The following IGSF10 variants were observed in gnomAD, a reference collection of about 807,000 sequenced individuals.
IGSF10 encodes calvaria mechanical force protein 608.
IGSF10 carries 126 observed loss-of-function variants against 128.2 expected under a neutral mutation model. The ratio of observed to expected loss-of-function variants is 0.98; its 90% confidence interval spans 0.85 to 1.14. The LOEUF is 1.14. IGSF10 is among the 50% of genes most tolerant of loss of function. IGSF10 has a pLI of 0.00. For synonymous variants in IGSF10, 1,185 were observed against 1,146.2 expected (o/e 1.03, Z -0.68); for missense variants, 3,295 against 3,149.8 (o/e 1.05, Z -1.10).
chr3:151,490,051 TAA>T, the IGSF10 span, among the ~76,000 whole-genome samples: 1 of 152,164 alleles, frequency 6.6e-6, no homozygotes, highest in Non-Finnish European at 1.5e-5. Flanking sequence ...TACTTATCAA[TAA>T]TAACCTTTAA....
At chr3:151,511,433 T>C in the IGSF10 span, among the ~76,000 whole-genome samples, 2 of 152,214 alleles carry the variant, frequency 1.3e-5, no homozygotes, top group South Asian at 2.1e-4. Context: ...TTTGTCACTA[T>C]CAGGCCTGCC....
At chr3:151,587,998 G>A in the IGSF10 span, among the ~76,000 whole-genome samples, 22 of 152,122 alleles carry the variant, frequency 1.4e-4, no homozygotes, top group Non-Finnish European at 2.4e-4. Context: ...TATCAGCAGC[G>A]TGAAAATGGA....
chr3:151,463,714 A>C (rs1024671572), upstream of IGSF10, among the ~76,000 whole-genome samples: 2 of 151,620 alleles, frequency 1.3e-5, no homozygotes, highest in Non-Finnish European at 2.9e-5. Context: ...GGCTGGGCGC[A>C]GTGGCTCACA....
At chr3:151,617,260 C>CTCT in the IGSF10 span, among the ~76,000 whole-genome samples, 3,085 of 55,696 alleles carry the variant, frequency 0.055, 101 homozygotes, top group Admixed American at 0.077. Flanking sequence ...TCTTCTCCTT[C>CTCT]TCTTCTTCTT....
Position 151,438,105 on chromosome 3 carries a change from T to C in IGSF10, c.6456A>G (p.Arg2152=). Residue 2152 remains arginine, a synonymous_variant, in exon 8 of 8, where the codon AGA becomes AGG. Coordinates refer to ENST00000282466, the MANE Select transcript of IGSF10 (RefSeq NM_178822.5). Reference sequence around the variant, plus strand: ...GGACAGCTGTGTCTCCAGCTTTGATTCTCTTGTTGGTTTTGTTACTCTGCC... The same window carrying C: ...GGACAGCTGTGTCTCCAGCTTTGATCCTCTTGTTGGTTTTGTTACTCTGCC... ...RIRQSNKTNK[R]IKAGDTAVLD... 2 of 1,614,148 alleles carry C rather than the reference T, an allele frequency of 1.2e-6. No homozygotes were observed. Among genetic ancestry groups the C allele is most frequent in the African/African-American group, 2.7e-5 (2 of 75,024 alleles).
At chr3:151,454,210 G>C (rs1312186751) in intron 4 of IGSF10, among the ~76,000 whole-genome samples, 4 of 151,734 alleles carry the variant, frequency 2.6e-5, no homozygotes, top group African/African-American at 4.8e-5. Flanking sequence ...TAGAGATGGG[G>C]TTTCACCATG....
chr3:151,449,327 T>C, intron 5 of IGSF10, 62 bp from the exon 6 acceptor site: 2 of 1,413,180 alleles, frequency 1.4e-6, no homozygotes, highest in Non-Finnish European at 1.9e-6. Context: ...CACAAACATT[T>C]TGAAGAAATA....
the IGSF10 span, among the ~76,000 whole-genome samples, chr3:151,518,453 C>A: frequency 6.6e-6 from 1 of 151,926 alleles, no homozygotes; most frequent in Non-Finnish European, 1.5e-5. Flanking sequence ...TAAAGTTTTT[C>A]TTTTAACAGT....
the IGSF10 span, among the ~76,000 whole-genome samples, chr3:151,547,435 C>T: frequency 0.16 from 24,498 of 149,388 alleles, 2,099 homozygotes; most frequent in Middle Eastern, 0.19. Context: ...TATATACACA[C>T]ACACACACAC....
chr3:151,602,322 T>A, the IGSF10 span, among the ~76,000 whole-genome samples: 2 of 152,202 alleles, frequency 1.3e-5, no homozygotes. Flanking sequence ...ACTTTCATGC[T>A]CACGCAAAAT....
At chr3:151,519,370 T>C in the IGSF10 span, among the ~76,000 whole-genome samples, 1 of 151,840 alleles carries the variant, frequency 6.6e-6, no homozygotes, top group East Asian at 1.9e-4. Flanking sequence ...TTAACTGCAA[T>C]TTAAGACCAC....
rs966026656 is a variant in IGSF10, at chr3:151,453,438, A to G, written c.661T>C (p.Trp221Arg). The change falls in exon 5 of 8, where the codon TGG (tryptophan) becomes CGG (arginine). Residue 221 changes from tryptophan to arginine, a missense_variant. Trp to Arg is a moderately radical substitution (Grantham distance 101). Transcript: ENST00000282466. ...LDSLYLHGNP[W>R]TCDCHLKWLS... ...CACTTTAAATGGCAATCACAGGTCCATGGGTTTCCATGCAGGTAAAGGCTG... is the reference window on the plus strand; with the variant it reads ...CACTTTAAATGGCAATCACAGGTCCGTGGGTTTCCATGCAGGTAAAGGCTG... 8 of 1,613,328 alleles carry G rather than the reference A, an allele frequency of 5.0e-6. No individual in the cohort carries two copies. The East Asian group carries it at 1.3e-4, about 27-fold the overall frequency.
rs1721831791 is a variant in IGSF10, at chr3:151,457,093, A to G, written c.257T>C (p.Leu86Pro). 1 of 1,614,126 alleles carries G rather than the reference A, an allele frequency of 6.2e-7. No homozygotes were observed. The change falls in exon 4 of 8, where the codon CTC becomes CCC. Residue 86 changes from leucine (L) to proline (P), a missense_variant. Transcript: ENST00000282466. ...GTGAATGCCATTGCTGTGAAGCATG[A>G]GTAACTCCAGTTTGGTCAGGCCAGA... ...DFSGLTKLEL[L>P]MLHSNGIHTI...
chr3:151,600,022 A>G, the IGSF10 span, among the ~76,000 whole-genome samples: 1 of 152,192 alleles, frequency 6.6e-6, no homozygotes, highest in East Asian at 1.9e-4. Flanking sequence ...TGCTATGTGG[A>G]CAAAGTAGTA....
downstream of IGSF10, chr3:151,433,666 A>AG (rs1315611180): frequency 6.6e-6 from 1 of 152,558 alleles, no homozygotes; most frequent in Non-Finnish European, 1.5e-5. Context: ...TGCCACCTTA[A>AG]GGGGAAAAAA....
At chr3:151,576,405 G>A in the IGSF10 span, among the ~76,000 whole-genome samples, 1 of 151,726 alleles carries the variant, frequency 6.6e-6, no homozygotes, top group Non-Finnish European at 1.5e-5. Flanking sequence ...TCATCTTTCT[G>A]AGTCTCCTTG....
At chr3:151,436,029 A>AAAAT (rs1451866826), downstream of IGSF10, 10 of 152,200 alleles carry the variant, frequency 6.6e-5, no homozygotes, top group Non-Finnish European at 1.0e-4. Context: ...TATTTGGACA[A>AAAAT]AAATAACCCC....
the IGSF10 span, among the ~76,000 whole-genome samples, chr3:151,548,030 C>T: frequency 6.6e-6 from 1 of 152,078 alleles, no homozygotes; most frequent in Non-Finnish European, 1.5e-5. Flanking sequence ...TTCTACTCTC[C>T]CATTGAGATG....
At chr3:151,505,040 T>C in the IGSF10 span, among the ~76,000 whole-genome samples, 4 of 152,196 alleles carry the variant, frequency 2.6e-5, no homozygotes, top group African/African-American at 9.6e-5. Context: ...CCTCTGCCTA[T>C]TACCCAGTTC....
Sources: gnomAD v4.1 joint callset for allele counts (sites outside exome capture counted in the v4.1 genomes callset) on GRCh38, gnomAD v4.1.1 for gene constraint, MANE v1.5 for transcripts, NCBI Gene and HGNC (gene_info 2026-07-23, HGNC 2026-07-21) for gene names.